The following CSGALNACT1 variants were observed in gnomAD, a reference collection of about 807,000 sequenced individuals.
CSGALNACT1 encodes the protein chondroitin sulfate N-acetylgalactosaminyltransferase 1, also known as beta4GalNAcT-1.
A neutral mutation model predicts 51.0 loss-of-function variants in CSGALNACT1; 52 were observed. That is an observed-to-expected ratio of 1.02 (90% confidence interval 0.82 to 1.29). The LOEUF is 1.29. Among genes scored for constraint, CSGALNACT1 ranks in the 50% most tolerant of loss-of-function variants. The probability of loss-of-function intolerance (pLI) is 0.00; values close to 1 mark genes in which losing one functional copy is unlikely to be tolerated. For missense variants in CSGALNACT1, 935 were observed against 679.2 expected (o/e 1.38, Z -4.19); for synonymous variants, 341 against 254.4 (o/e 1.34, Z -3.24).
intron 1 of CSGALNACT1, among the ~76,000 whole-genome samples, chr8:19,681,119 C>T (rs536147366): frequency 5.3e-5 from 8 of 152,076 alleles, no homozygotes; most frequent in Admixed American, 2.6e-4. Flanking sequence ...TATGAAGGGA[C>T]GACCTTACTA....
chr8:19,479,677 C>T (rs1022534596), intron 4 of CSGALNACT1, among the ~76,000 whole-genome samples: 2 of 151,644 alleles, frequency 1.3e-5, no homozygotes, highest in African/African-American at 2.4e-5. Context: ...CAGAAAGCCC[C>T]GACTGTTAGG....
chr8:19,535,490 A>C (rs1372543913), intron 3 of CSGALNACT1, among the ~76,000 whole-genome samples: 1 of 152,228 alleles, frequency 6.6e-6, no homozygotes, highest in East Asian at 1.9e-4. Context: ...GTTTAGACAA[A>C]ATACACTTAT....
At position 19,527,167 on chromosome 8, in the gene CSGALNACT1, AC is replaced by A. The variant is rs545900504; in HGVS notation, c.-296-21038del. Among the ~76,000 whole-genome samples the A allele has an allele frequency of 2.1e-3, 320 of 152,296 alleles. 3 individuals are homozygous for A. The highest frequency in any genetic ancestry group is 7.5e-3 in the African/African-American group (310 of 41,564). On this transcript the variant is annotated intron_variant, in intron 3 of 9. Coordinates refer to ENST00000454498, the Ensembl canonical transcript of CSGALNACT1. ...CATGAAAGGATAAATCAATCAACTAACTGCTAGGACAGAGGAACAAAAGGAA... is the reference window on the plus strand; with the variant it reads ...CATGAAAGGATAAATCAATCAACTAATGCTAGGACAGAGGAACAAAAGGAA...
intron 1 of CSGALNACT1, among the ~76,000 whole-genome samples, chr8:19,661,382 C>G (rs2058731097): frequency 6.6e-6 from 1 of 152,144 alleles, no homozygotes; most frequent in Non-Finnish European, 1.5e-5. Context: ...CTGCAAAGTC[C>G]TAAGTTCTCC....
chr8:19,404,875 A>G (rs939161652), exon 10 of CSGALNACT1: 3 of 454,408 alleles, frequency 6.6e-6, no homozygotes, highest in Non-Finnish European at 1.3e-5. Flanking sequence ...CTCCTCTTCG[A>G]AAATACTCTT....
intron 3 of CSGALNACT1, among the ~76,000 whole-genome samples, chr8:19,553,632 T>TTGTATATATGTATATAAATAC (rs1334543941): frequency 1.3e-4 from 18 of 140,692 alleles, no homozygotes; most frequent in African/African-American, 4.6e-4. Context: ...TATATATATA[T>TTGTATATATGTATATAAATAC]ATATATAAAA....
chr8:19,598,387 C>A (rs2049444028), intron 2 of CSGALNACT1, among the ~76,000 whole-genome samples: 1 of 152,188 alleles, frequency 6.6e-6, no homozygotes, highest in Admixed American at 6.5e-5. Flanking sequence ...AGCTTACAGA[C>A]TTTATGGCAC....
chr8:19,414,330 T>C (rs367913548), intron 8 of CSGALNACT1, among the ~76,000 whole-genome samples: 2 of 150,592 alleles, frequency 1.3e-5, no homozygotes, highest in East Asian at 3.9e-4. Context: ...AAGATAGAAG[T>C]GGTAGGAGGC....
At chr8:19,457,110 C>G (rs145502187) in intron 5 of CSGALNACT1, among the ~76,000 whole-genome samples, 18 of 152,146 alleles carry the variant, frequency 1.2e-4, no homozygotes, top group Non-Finnish European at 1.9e-4. Flanking sequence ...GAGAACCCTA[C>G]GTCAGAAAGA....
At chr8:19,591,246 C>G (rs912793233) in exon 3 of CSGALNACT1, 1 of 152,182 alleles carries the variant, frequency 6.6e-6, no homozygotes, top group African/African-American at 2.4e-5. Context: ...ATGGTCAGCT[C>G]CCCACATTTT....
chr8:19,680,699 G>A (rs1307928459), intron 1 of CSGALNACT1, among the ~76,000 whole-genome samples: 3 of 151,930 alleles, frequency 2.0e-5, no homozygotes, highest in African/African-American at 4.8e-5. Context: ...ATGTGTCACC[G>A]AATGACTGTG....
chr8:19,584,017 T>A (rs2046128831), intron 3 of CSGALNACT1, among the ~76,000 whole-genome samples: 1 of 152,172 alleles, frequency 6.6e-6, no homozygotes, highest in Non-Finnish European at 1.5e-5. Flanking sequence ...CTGGGCCACA[T>A]CTAATAGTCT....
At chr8:19,706,135 C>T (rs767137118) in intron 1 of CSGALNACT1, among the ~76,000 whole-genome samples, 1 of 152,146 alleles carries the variant, frequency 6.6e-6, no homozygotes, top group Non-Finnish European at 1.5e-5. Flanking sequence ...AAATAGCATG[C>T]AAGGATGACA....
chr8:19,559,655 T>C (rs1278159636), intron 3 of CSGALNACT1, among the ~76,000 whole-genome samples: 1 of 152,072 alleles, frequency 6.6e-6, no homozygotes, highest in South Asian at 2.1e-4. Context: ...TCTATGTATA[T>C]AAAAGCAAAC....
chr8:19,534,802 T>G (rs560534553), intron 3 of CSGALNACT1, among the ~76,000 whole-genome samples: 1 of 152,362 alleles, frequency 6.6e-6, no homozygotes, highest in Admixed American at 6.5e-5. Flanking sequence ...ATAAGCAGTT[T>G]GTTAGAACTA....
rs1227542723 is a variant in CSGALNACT1 at position 19,702,100 on chromosome 8, C to G, written c.-297+55750G>C. ...ACTGCTTGAACCATCATTATAGCCT[C>G]CTAACAGATGCCCTTGTTTCTGATC... On this transcript the variant is annotated intron_variant, in intron 1 of 1. Coordinates refer to the CSGALNACT1 transcript ENST00000517494. Among the ~76,000 whole-genome samples the G allele has an allele frequency of 3.3e-5, 5 of 152,158 alleles. No homozygotes were observed. The East Asian group carries it at 9.6e-4, about 29-fold the overall frequency.
At chr8:19,614,418 C>A (rs2052712607) in intron 1 of CSGALNACT1, among the ~76,000 whole-genome samples, 1 of 152,268 alleles carries the variant, frequency 6.6e-6, no homozygotes, top group Non-Finnish European at 1.5e-5. Flanking sequence ...TAGCCAGTTT[C>A]TGTTCTTCTT....
intron 3 of CSGALNACT1, among the ~76,000 whole-genome samples, chr8:19,568,120 A>G (rs2042266190): frequency 6.6e-6 from 1 of 152,220 alleles, no homozygotes. Flanking sequence ...TTTGTTATAC[A>G]GTCACTTAAC....
intron 1 of CSGALNACT1, among the ~76,000 whole-genome samples, chr8:19,689,181 A>C (rs907072963): frequency 3.5e-4 from 54 of 152,258 alleles, no homozygotes; most frequent in Non-Finnish European, 4.4e-4. Context: ...GTGCCTTCCA[A>C]GACGATGTCA....
Sources: allele counts gnomAD v4.1 joint callset (sites outside exome capture counted in the v4.1 genomes callset), GRCh38; gene constraint gnomAD v4.1.1; transcripts MANE v1.5; gene names NCBI Gene and HGNC (gene_info 2026-07-23, HGNC 2026-07-21).